SDK1: variants seen among roughly 807,000 people sequenced by gnomAD.
The protein encoded by SDK1 is sidekick cell adhesion molecule 1.
SDK1 carries 157 observed loss-of-function variants against 245.5 expected under a neutral mutation model. The observed-to-expected ratio is 0.64, with a 90% CI of 0.56 to 0.73. The LOEUF (loss-of-function observed/expected upper bound fraction) is 0.73, where lower values mean the gene tolerates loss of function less well. SDK1 is among the 30% of genes least tolerant of loss of function. The probability of loss-of-function intolerance (pLI) is 0.00; values close to 1 mark genes in which losing one functional copy is unlikely to be tolerated. For missense variants in SDK1, 3,583 were observed against 3,002.3 expected (o/e 1.19, Z -4.52); for synonymous variants, 1,647 against 1,278.5 (o/e 1.29, Z -6.15).
chr7:3,640,712 C>G (rs1453418927), intron 3 of SDK1, among the ~76,000 whole-genome samples: 1 of 151,456 alleles, frequency 6.6e-6, no homozygotes, highest in East Asian at 1.9e-4. Flanking sequence ...GAGACGGAGT[C>G]TGGCTCTGTC....
chr7:4,117,025 C>G (rs1156936353), intron 25 of SDK1, among the ~76,000 whole-genome samples: 1 of 152,246 alleles, frequency 6.6e-6, no homozygotes, highest in Non-Finnish European at 1.5e-5. Context: ...TCTTCACTGT[C>G]TGAATCTTTG....
chr7:3,786,241 G>T (rs1376898743), intron 4 of SDK1, among the ~76,000 whole-genome samples: 1 of 152,146 alleles, frequency 6.6e-6, no homozygotes, highest in Non-Finnish European at 1.5e-5. Flanking sequence ...TTAAAGTGCA[G>T]CCCTGTTTTG....
intron 4 of SDK1, among the ~76,000 whole-genome samples, chr7:3,755,428 G>T (rs898995705): frequency 6.6e-5 from 10 of 152,172 alleles, no homozygotes; most frequent in African/African-American, 2.4e-4. Flanking sequence ...GCCATTGTCT[G>T]TCTGCATAGT....
At chr7:4,216,328 C>T (rs1374889541) in intron 38 of SDK1, among the ~76,000 whole-genome samples, 1 of 152,208 alleles carries the variant, frequency 6.6e-6, no homozygotes, top group Non-Finnish European at 1.5e-5. Flanking sequence ...CCTGCACCTC[C>T]ACACCCAGAC....
chr7:4,111,901 C>T (rs2128190907), intron 23 of SDK1, among the ~76,000 whole-genome samples: 1 of 152,292 alleles, frequency 6.6e-6, no homozygotes, highest in African/African-American at 2.4e-5. Flanking sequence ...TTTTAGAGAA[C>T]ATTGAACTCC....
chr7:3,582,683 T>TAA (rs71029682), intron 1 of SDK1, among the ~76,000 whole-genome samples: 5,440 of 69,654 alleles, frequency 0.078, 389 homozygotes, highest in African/African-American at 0.11. Flanking sequence ...TAAACTAAAG[T>TAA]AAAAAAAAAA....
At chr7:4,009,198 G>C (rs1280421567) in intron 14 of SDK1, among the ~76,000 whole-genome samples, 1 of 152,188 alleles carries the variant, frequency 6.6e-6, no homozygotes, top group Non-Finnish European at 1.5e-5. Context: ...AAGTGGGAGA[G>C]CTCGTAGTCA....
chr7:4,152,802 A>G (rs894094324), intron 30 of SDK1, among the ~76,000 whole-genome samples: 2 of 152,250 alleles, frequency 1.3e-5, no homozygotes, highest in African/African-American at 4.8e-5. Context: ...GTGAGTATCC[A>G]GAAAACATTA....
rs550498810 is a variant in SDK1, at chr7:4,214,220, C to T, written c.5539+4058C>T. On this transcript the variant is annotated intron_variant, in intron 38 of 44. Coordinates refer to ENST00000404826, the MANE Select transcript of SDK1 (RefSeq NM_152744.4). Reference sequence around the variant, plus strand: ...TGATGGGCAGAAAGCGTCTGGAGCACTTGTGTTTCTGAAAGTAAATGTGAA... The same window carrying T: ...TGATGGGCAGAAAGCGTCTGGAGCATTTGTGTTTCTGAAAGTAAATGTGAA... Among the ~76,000 whole-genome samples, 6 of 151,944 alleles carry T rather than the reference C, an allele frequency of 3.9e-5. No individual in the cohort carries two copies. In the East Asian group the frequency reaches 1.2e-3, roughly 29 times the overall value.
intron 5 of SDK1, among the ~76,000 whole-genome samples, chr7:3,857,369 A>C (rs1049132700): frequency 6.6e-6 from 1 of 152,206 alleles, no homozygotes; most frequent in East Asian, 1.9e-4. Flanking sequence ...TATTTCAGGC[A>C]ATATGATTAC....
intron 40 of SDK1, among the ~76,000 whole-genome samples, chr7:4,222,944 C>G (rs1453795437): frequency 2.0e-5 from 3 of 151,966 alleles, no homozygotes; most frequent in Non-Finnish European, 4.4e-5. Context: ...TTTGTGGAGG[C>G]CAAGGGGGAG....
chr7:3,853,545 G>C (rs1780469424), intron 5 of SDK1, among the ~76,000 whole-genome samples: 1 of 152,056 alleles, frequency 6.6e-6, no homozygotes, highest in African/African-American at 2.4e-5. Context: ...AAATTCTTGG[G>C]ACCAGAAGTG....
At chr7:3,657,203 G>A (rs1029308859) in intron 4 of SDK1, among the ~76,000 whole-genome samples, 2 of 152,210 alleles carry the variant, frequency 1.3e-5, no homozygotes, top group African/African-American at 4.8e-5. Context: ...GTGCACCTTA[G>A]GGCTGGGGCC....
chr7:3,668,453 C>T (rs2128661845), intron 4 of SDK1, among the ~76,000 whole-genome samples: 1 of 152,328 alleles, frequency 6.6e-6, no homozygotes, highest in Non-Finnish European at 1.5e-5. Context: ...CAAGGACAAA[C>T]ATACAGAGAG....
intron 19 of SDK1, among the ~76,000 whole-genome samples, chr7:4,058,520 C>G (rs1341978822): frequency 1.3e-4 from 20 of 152,116 alleles, no homozygotes; most frequent in Admixed American, 1.3e-3. Flanking sequence ...TAAATAGATA[C>G]TATTCAGAAA....
At chr7:3,683,323 C>T (rs868253770) in intron 4 of SDK1, among the ~76,000 whole-genome samples, 1 of 152,098 alleles carries the variant, frequency 6.6e-6, no homozygotes, top group Non-Finnish European at 1.5e-5. Context: ...ATTATTTAAG[C>T]CTTTTATCTT....
intron 1 of SDK1, among the ~76,000 whole-genome samples, chr7:3,606,093 C>G (rs909320314): frequency 6.6e-6 from 1 of 152,116 alleles, no homozygotes; most frequent in African/African-American, 2.4e-5. Flanking sequence ...TTCAAACATC[C>G]TAAGTTCAAC....
intron 34 of SDK1, among the ~76,000 whole-genome samples, chr7:4,176,857 C>G (rs536142456): frequency 6.6e-6 from 1 of 152,170 alleles, no homozygotes; most frequent in Admixed American, 6.5e-5. Flanking sequence ...TGAAAGACCA[C>G]GTTTTGTTTC....
chr7:3,558,703 A>G (rs1454534650), intron 1 of SDK1, among the ~76,000 whole-genome samples: 1 of 152,250 alleles, frequency 6.6e-6, no homozygotes, highest in Non-Finnish European at 1.5e-5. Flanking sequence ...AAGTCAAGAT[A>G]TCTAAATGGC....
Sources: allele counts gnomAD v4.1 joint callset (sites outside exome capture counted in the v4.1 genomes callset), GRCh38; gene constraint gnomAD v4.1.1; transcripts MANE v1.5; gene names NCBI Gene and HGNC (gene_info 2026-07-23, HGNC 2026-07-21).